The following ME3 variants were observed in gnomAD, a reference collection of about 807,000 sequenced individuals.
ME3 encodes the protein malic enzyme 3, also known as NADP-dependent malic enzyme, mitochondrial.
Under a neutral mutation model 68.9 loss-of-function variants are expected in ME3, and 48 were observed. The ratio of observed to expected loss-of-function variants is 0.70; its 90% confidence interval spans 0.55 to 0.89. The LOEUF is 0.89. Among genes scored for constraint, ME3 ranks in the 40% least tolerant of loss-of-function variants. The pLI, the probability that ME3 is intolerant of heterozygous loss-of-function variation, is 0.00. For synonymous variants in ME3, 320 were observed against 318.8 expected (o/e 1.00, Z -0.04); for missense variants, 675 against 797.4 (o/e 0.85, Z 1.85).
At chr11:86,570,990 C>T (rs913479830) in intron 2 of ME3, among the ~76,000 whole-genome samples, 2 of 152,136 alleles carry the variant, frequency 1.3e-5, no homozygotes, top group Non-Finnish European at 2.9e-5. Context: ...GTCATTGTGT[C>T]AAAGGAGAAT....
chr11:86,615,799 G>A (rs1322932784), intron 2 of ME3, among the ~76,000 whole-genome samples: 1 of 152,156 alleles, frequency 6.6e-6, no homozygotes, highest in Non-Finnish European at 1.5e-5. Context: ...TGAAACCTAA[G>A]TCATGGCTCT....
chr11:86,619,636 C>T (rs558776787), intron 2 of ME3, among the ~76,000 whole-genome samples: 1 of 152,186 alleles, frequency 6.6e-6, no homozygotes, highest in Non-Finnish European at 1.5e-5. Flanking sequence ...TCTTTCTTGT[C>T]CTCTGCCATG....
At chr11:86,534,965 A>G (rs565077917) in intron 4 of ME3, among the ~76,000 whole-genome samples, 100 of 152,308 alleles carry the variant, frequency 6.6e-4, no homozygotes, top group African/African-American at 2.4e-3. Context: ...GTGAATCAGA[A>G]TTGGCAAGAG....
chr11:86,605,502 C>G (rs765136608), intron 2 of ME3, among the ~76,000 whole-genome samples: 8 of 152,284 alleles, frequency 5.3e-5, no homozygotes, highest in Non-Finnish European at 1.0e-4. Context: ...CCAAAAACTG[C>G]TTAATTTAGC....
At chr11:86,663,891 G>A (rs546712360) in intron 2 of ME3, among the ~76,000 whole-genome samples, 1 of 152,216 alleles carries the variant, frequency 6.6e-6, no homozygotes, top group Non-Finnish European at 1.5e-5. Flanking sequence ...GTTGGCCCAG[G>A]TCTGGGCAAA....
At chr11:86,462,324 T>C (rs1040828237) in intron 8 of ME3, among the ~76,000 whole-genome samples, 2 of 152,216 alleles carry the variant, frequency 1.3e-5, no homozygotes, top group African/African-American at 2.4e-5. Context: ...ATACATAAAA[T>C]AGGGATAGAT....
At position 86,575,153 on chromosome 11, in the gene ME3, G is replaced by A. The variant is rs552315578; in HGVS notation, c.184-15330C>T. Among the ~76,000 whole-genome samples, 41 of 147,414 alleles carry A rather than the reference G, an allele frequency of 2.8e-4. 5 individuals carry two copies. Among genetic ancestry groups the A allele is most frequent in the Admixed American group, 4.7e-4 (7 of 15,008 alleles). On this transcript the variant is annotated intron_variant, in intron 2 of 14. Transcript: ENST00000543262. ...ATACAGCTTCTAACATTTTTAAAAT[G>A]TGCTTCTAATAACTGTTGTGCCAAT...
At position 86,635,532 on chromosome 11, in the gene ME3, G is replaced by T. The variant is rs555835928; in HGVS notation, c.183+36230C>A. 2.6e-5 allele frequency among the ~76,000 whole-genome samples: 4 copies of T among 152,344 alleles called. No individual in the cohort carries two copies. In the South Asian group the frequency reaches 8.3e-4, roughly 32 times the overall value. On this transcript the variant is annotated intron_variant, in intron 2 of 14. Transcript: ENST00000543262. ...TTACTCTCCATTGTAATGGTATTAA[G>T]AGGTGGGACCATTAAGAGATGATGA...
At chr11:86,461,037 G>A (rs1279692323) in intron 8 of ME3, among the ~76,000 whole-genome samples, 2 of 152,248 alleles carry the variant, frequency 1.3e-5, no homozygotes, top group Non-Finnish European at 2.9e-5. Flanking sequence ...AGGGCAGGAT[G>A]ACAGCAGCAG....
intron 4 of ME3, among the ~76,000 whole-genome samples, chr11:86,536,451 C>G (rs1322930196): frequency 7.9e-6 from 1 of 126,452 alleles, no homozygotes; most frequent in Non-Finnish European, 1.6e-5. Context: ...AAAAAACAAA[C>G]AACCCCATCA....
intron 2 of ME3, among the ~76,000 whole-genome samples, chr11:86,629,792 C>T (rs1161042075): frequency 1.3e-5 from 2 of 152,178 alleles, no homozygotes; most frequent in Admixed American, 1.3e-4. Flanking sequence ...ACCCTGCTAG[C>T]TGGGCTTACT....
chr11:86,597,072 A>T (rs1959609916), intron 2 of ME3, among the ~76,000 whole-genome samples: 1 of 152,242 alleles, frequency 6.6e-6, no homozygotes. Context: ...AGGAAATCTG[A>T]CATAAGGTCA....
At chr11:86,615,863 G>T (rs371174756) in intron 2 of ME3, among the ~76,000 whole-genome samples, 1 of 152,104 alleles carries the variant, frequency 6.6e-6, no homozygotes, top group East Asian at 1.9e-4. Context: ...AAATATTCTT[G>T]TAGTGATTTC....
chr11:86,450,016 T>C lies in ME3; in HGVS notation c.1018-14A>G, dbSNP rs1447640394. The C allele has an allele frequency of 1.3e-6, 2 of 1,581,754 alleles. No homozygotes were observed. Among genetic ancestry groups the C allele is most frequent in the African/African-American group, 2.7e-5 (2 of 73,938 alleles). Reference sequence around the variant, plus strand: ...GCCCATAGCTGCCTGGAAGGTACCATAGGGTAGATGTTCAGACACAGGGCA... The same window carrying C: ...GCCCATAGCTGCCTGGAAGGTACCACAGGGTAGATGTTCAGACACAGGGCA... On this transcript the variant is annotated splice_polypyrimidine_tract_variant and intron_variant, in intron 9 of 14. Transcript: ENST00000543262.
intron 2 of ME3, among the ~76,000 whole-genome samples, chr11:86,612,325 G>T (rs1475313792): frequency 1.3e-5 from 2 of 152,252 alleles, no homozygotes; most frequent in East Asian, 3.9e-4. Flanking sequence ...ATGACCATTT[G>T]GGTTGGTTCT....
chr11:86,473,773 C>T (rs1480866745), intron 7 of ME3, among the ~76,000 whole-genome samples: 2 of 152,066 alleles, frequency 1.3e-5, no homozygotes, highest in African/African-American at 2.4e-5. Context: ...GGAATCTATA[C>T]CATGGGTGAA....
intron 4 of ME3, among the ~76,000 whole-genome samples, chr11:86,533,063 A>C (rs1297501458): frequency 6.6e-6 from 1 of 152,104 alleles, no homozygotes; most frequent in Non-Finnish European, 1.5e-5. Flanking sequence ...AAAAAAAAAA[A>C]GACTCACAAA....
At chr11:86,582,008 C>T (rs997655671) in intron 2 of ME3, among the ~76,000 whole-genome samples, 1 of 152,250 alleles carries the variant, frequency 6.6e-6, no homozygotes, top group Non-Finnish European at 1.5e-5. Flanking sequence ...CTGGAATACA[C>T]CTTTTAGAAC....
At chr11:86,544,624 T>C (rs889979582) in intron 4 of ME3, among the ~76,000 whole-genome samples, 1 of 152,140 alleles carries the variant, frequency 6.6e-6, no homozygotes, top group African/African-American at 2.4e-5. Flanking sequence ...GTCCAATCCC[T>C]AAATAGACCA....
Sources: gnomAD v4.1 joint callset for allele counts (sites outside exome capture counted in the v4.1 genomes callset) on GRCh38, gnomAD v4.1.1 for gene constraint, MANE v1.5 for transcripts, NCBI Gene and HGNC (gene_info 2026-07-23, HGNC 2026-07-21) for gene names.